TRAPPC12: variants seen among roughly 807,000 people sequenced by gnomAD.
TRAPPC12 encodes the protein trafficking protein particle complex subunit 12, also known as TPR repeat protein 15.
TRAPPC12 carries 61 observed loss-of-function variants against 69.2 expected under a neutral mutation model. That is an observed-to-expected ratio of 0.88 (90% CI 0.72 to 1.09). TRAPPC12 has a LOEUF of 1.09. Among genes scored for constraint, TRAPPC12 ranks in the 50% least tolerant of loss-of-function variants. The pLI is 0.00. For synonymous variants in TRAPPC12, 469 were observed against 438.9 expected, an observed-to-expected ratio of 1.07 and a Z score of -0.86; for missense variants, 1,101 against 1,016.4, an observed-to-expected ratio of 1.08 and a Z score of -1.13.
At chr2:3,405,477 C>T (rs918873721) in intron 3 of TRAPPC12, among the ~76,000 whole-genome samples, 4 of 152,206 alleles carry the variant, frequency 2.6e-5, no homozygotes, top group African/African-American at 9.6e-5. Context: ...GGGAATTACG[C>T]TTTTCAATAC....
chr2:3,423,879 C>T (rs1662956816), intron 4 of TRAPPC12, among the ~76,000 whole-genome samples: 1 of 152,204 alleles, frequency 6.6e-6, no homozygotes, highest in Admixed American at 6.5e-5. Flanking sequence ...GAATGTACCC[C>T]TGAGAGCACA....
At chr2:3,472,648 A>G (rs532175304) in intron 9 of TRAPPC12, 101 of 152,380 alleles carry the variant, frequency 6.6e-4, no homozygotes, top group African/African-American at 2.3e-3. Flanking sequence ...GCTTTAAAGG[A>G]CACCATAAAG....
At chr2:3,402,476 A>G (rs1411778066) in intron 3 of TRAPPC12, among the ~76,000 whole-genome samples, 1 of 152,060 alleles carries the variant, frequency 6.6e-6, no homozygotes, top group Non-Finnish European at 1.5e-5. Flanking sequence ...GTAATCCCAG[A>G]TACTCAGGAG....
rs771996011 is a variant in TRAPPC12, at chr2:3,388,554, C to A, written c.931C>A (p.Leu311Ile). The A allele has an allele frequency of 3.7e-6, 6 of 1,613,066 alleles. No individual in the cohort carries two copies. Among genetic ancestry groups the A allele is most frequent in the Non-Finnish European group, 4.2e-6 (5 of 1,179,752 alleles). Residue 311 changes from leucine (L) to isoleucine (I), a missense_variant, in exon 2 of 12, where the codon CTT (leucine) becomes ATT (isoleucine). Leu to Ile is a conservative substitution (Grantham distance 5). Coordinates refer to ENST00000324266, the MANE Select transcript of TRAPPC12 (RefSeq NM_016030.6). ...SEMDRRNDAW[L>I]PGEATRGVLR... ...GATGGACCGGAGGAACGACGCCTGGCTTCCCGGCGAGGCTACGCGTGGAGT... is the reference window on the plus strand; with the variant it reads ...GATGGACCGGAGGAACGACGCCTGGATTCCCGGCGAGGCTACGCGTGGAGT...
At chr2:3,457,999 C>T (rs1665260254) in intron 7 of TRAPPC12, 2 of 1,216,548 alleles carry the variant, frequency 1.6e-6, no homozygotes, top group Non-Finnish European at 1.0e-6. Context: ...GGAAGGAGCC[C>T]AGCCCAGCCG....
At chr2:3,427,980 A>G (rs540747691) in intron 5 of TRAPPC12, among the ~76,000 whole-genome samples, 5 of 151,908 alleles carry the variant, frequency 3.3e-5, no homozygotes, top group Admixed American at 1.3e-4. Context: ...TGTGTATCCT[A>G]TTTTACAGTG....
At chr2:3,415,237 C>T (rs6750422) in intron 3 of TRAPPC12, among the ~76,000 whole-genome samples, 50,129 of 151,990 alleles carry the variant, frequency 0.33, 9,700 homozygotes, top group African/African-American at 0.54. Context: ...GTTTCTCACT[C>T]GCGGTGAATT....
intron 5 of TRAPPC12, among the ~76,000 whole-genome samples, chr2:3,438,614 C>A (rs1664021021): frequency 6.6e-6 from 1 of 151,452 alleles, no homozygotes; most frequent in Non-Finnish European, 1.5e-5. Flanking sequence ...CCCCCATCAC[C>A]CCTGGGAGCT....
At chr2:3,388,807 G>T (rs1192649090) in intron 2 of TRAPPC12, 137 bp downstream of exon 2, 7 of 890,902 alleles carry the variant, frequency 7.9e-6, no homozygotes, top group Non-Finnish European at 1.1e-5. Context: ...GAGCGCCTGT[G>T]TTCCTCTGTC....
At chr2:3,418,028 G>C (rs905393881) in intron 3 of TRAPPC12, among the ~76,000 whole-genome samples, 8 of 120,728 alleles carry the variant, frequency 6.6e-5, no homozygotes, top group Admixed American at 6.6e-4. Context: ...GGGCAATAGA[G>C]ACTCTGTCTC....
chr2:3,475,996 G>A (rs1666277991), intron 9 of TRAPPC12, among the ~76,000 whole-genome samples: 1 of 152,324 alleles, frequency 6.6e-6, no homozygotes, highest in South Asian at 2.1e-4. Flanking sequence ...GCAGGCGTTC[G>A]AGCTGAGGGC....
intron 7 of TRAPPC12, among the ~76,000 whole-genome samples, chr2:3,458,719 G>C (rs757210587): frequency 6.6e-6 from 1 of 152,162 alleles, no homozygotes; most frequent in African/African-American, 2.4e-5. Flanking sequence ...TTTTACCCCT[G>C]GTTGGGCTCC....
Position 3,388,501 on chromosome 2 carries a change from C to T in TRAPPC12, c.878C>T (p.Pro293Leu), listed in dbSNP as rs768954505. ...GCAGTGTTTGCAGGGAGTGACGACC[C>T]CTTTGCCACCGCCCTGAGCATGAGC... ...IQAVFAGSDD[P>L]FATALSMSEM... The change falls in exon 2 of 12, where the codon CCC (proline) becomes CTC (leucine). Residue 293 changes from proline to leucine, a missense_variant. Physicochemically the swap from Pro to Leu is moderately conservative, Grantham distance 98. Coordinates refer to ENST00000324266, the MANE Select transcript of TRAPPC12 (RefSeq NM_016030.6). 1 of 1,612,888 alleles carries T rather than the reference C, an allele frequency of 6.2e-7. No individual in the cohort carries two copies. The highest frequency in any genetic ancestry group is 1.1e-5 in the South Asian group (1 of 91,066).
Position 3,387,990 on chromosome 2 carries a change from G to T in TRAPPC12, c.367G>T (p.Ala123Ser), listed in dbSNP as rs1459527608. 6.8e-7 allele frequency: 1 copy of T among 1,472,888 alleles called. No homozygotes were observed. The highest frequency in any genetic ancestry group is 8.9e-7 in the Non-Finnish European group (1 of 1,118,642). 91.2% of individuals were successfully genotyped at this position (1,472,888 alleles called of 1,614,324 possible). ...CGACGGCGACTGTGCCCCCGAGGACGCGGCACCCAGTAGCGGAGGGGCCCC... is the reference window on the plus strand; with the variant it reads ...CGACGGCGACTGTGCCCCCGAGGACTCGGCACCCAGTAGCGGAGGGGCCCC... ...EADGDCAPEDAAPSSGGAPRQ... is the reference protein window; with the variant it reads ...EADGDCAPEDSAPSSGGAPRQ... Residue 123 changes from alanine (A) to serine (S), a missense_variant, in exon 2 of 12, where the codon GCG becomes TCG. Physicochemically the swap from Ala to Ser is moderately conservative, Grantham distance 99. Transcript: ENST00000324266.
rs34956958 is a variant in TRAPPC12, at chr2:3,383,871, G to GTTTTTTTTTTTTTTT, written c.-4-3722_-4-3708dup. ...TATTCCCTTGTGATAGTTCAGTCTT[G>GTTTTTTTTTTTTTTT]TTTTTTTTTTTTTTTTTTTTTTTTT... On this transcript the variant is annotated intron_variant, in intron 1 of 11. Coordinates refer to ENST00000324266, the MANE Select transcript of TRAPPC12 (RefSeq NM_016030.6). 5.1e-4 allele frequency among the ~76,000 whole-genome samples: 44 copies of GTTTTTTTTTTTTTTT among 85,584 alleles called. 6 individuals carry two copies. The highest frequency in any genetic ancestry group is 7.4e-3 in the Middle Eastern group (1 of 136). 56.1% of individuals were successfully genotyped at this position (85,584 alleles called of 152,430 possible).
intron 6 of TRAPPC12, among the ~76,000 whole-genome samples, chr2:3,447,121 A>G (rs1664551568): frequency 6.6e-6 from 1 of 150,888 alleles, no homozygotes; most frequent in Non-Finnish European, 1.5e-5. Context: ...TTTTTCTTGA[A>G]GCGGAGTCTC....
At chr2:3,389,831 G>A in intron 2 of TRAPPC12, 1 of 468,772 alleles carries the variant, frequency 2.1e-6, no homozygotes, top group South Asian at 1.5e-5. Flanking sequence ...TCAGCAGAGA[G>A]GGGAGGCGAG....
rs1406256969 is a variant in TRAPPC12, at chr2:3,457,683, G to C, written c.1593G>C (p.Glu531Asp). The C allele has an allele frequency of 1.2e-6, 2 of 1,610,820 alleles. No homozygotes were observed. Among genetic ancestry groups the C allele is most frequent in the Non-Finnish European group, 8.5e-7 (1 of 1,179,986 alleles). The change falls in exon 7 of 12, where the codon GAG becomes GAC. Residue 531 changes from glutamate (E) to aspartate (D), a missense_variant. Coordinates refer to ENST00000324266, the MANE Select transcript of TRAPPC12 (RefSeq NM_016030.6). Reference protein sequence around the residue: ...EDGGMSSVTQEGRQASIRLWR... With the variant: ...EDGGMSSVTQDGRQASIRLWR... ...GCGGCATGAGCAGCGTGACTCAGGA[G>C]GGCAGACAAGGTGGGTCGGCCGGAC... is the stretch of plus-strand genomic sequence containing the variant.
At chr2:3,396,712 T>G (rs1031559711) in intron 2 of TRAPPC12, among the ~76,000 whole-genome samples, 1 of 152,250 alleles carries the variant, frequency 6.6e-6, no homozygotes, top group Non-Finnish European at 1.5e-5. Context: ...TCTTCAGACT[T>G]TTTAGTTTGC....
Sources: allele counts gnomAD v4.1 joint callset (sites outside exome capture counted in the v4.1 genomes callset), GRCh38; gene constraint gnomAD v4.1.1; transcripts MANE v1.5; gene names NCBI Gene and HGNC (gene_info 2026-07-23, HGNC 2026-07-21).